Variants in PREX1 observed in about 807,000 individuals in gnomAD.
PREX1 encodes phosphatidylinositol-3,4,5-trisphosphate dependent Rac exchange factor 1.
A neutral mutation model predicts 198.3 loss-of-function variants in PREX1; 41 were observed. The ratio of observed to expected loss-of-function variants is 0.21; its 90% CI spans 0.16 to 0.27. The LOEUF is 0.27. Among genes scored for constraint, PREX1 ranks in the 10% least tolerant of loss-of-function variants. The pLI, the probability that PREX1 is intolerant of heterozygous loss-of-function variation, is 1.00. For missense variants in PREX1, 1,620 were observed against 2,200.7 expected (o/e 0.74, Z 5.28); for synonymous variants, 843 against 887.2 (o/e 0.95, Z 0.89).
chr20:48,873,254 A>G, the PREX1 span, among the ~76,000 whole-genome samples: 1 of 152,190 alleles, frequency 6.6e-6, no homozygotes, highest in African/African-American at 2.4e-5. Context: ...GTTCATGTCC[A>G]CTGCCATCTC....
rs768800753 is a variant in PREX1, at chr20:48,634,669, C to T, written c.4267+7G>A. On this transcript the variant is annotated splice_region_variant and intron_variant, in intron 33 of 39. Coordinates refer to ENST00000371941, the MANE Select transcript of PREX1 (RefSeq NM_020820.4). ...TCTCACAGTGGGGGATGGGAGAAAT[C>T]ACTCACTGGCCACATAGTTCTCGTC... is the stretch of plus-strand genomic sequence containing the variant. The T allele has an allele frequency of 6.8e-6, 11 of 1,613,564 alleles. No individual in the cohort carries two copies. The highest frequency in any genetic ancestry group is 8.5e-6 in the Non-Finnish European group (10 of 1,179,522).
chr20:48,825,534 T>C lies in PREX1; in HGVS notation c.219+2108A>G, dbSNP rs561898192. Among the ~76,000 whole-genome samples the C allele has an allele frequency of 1.6e-4, 24 of 152,088 alleles. No individual in the cohort carries two copies. The East Asian group carries it at 4.3e-3, about 27-fold the overall frequency. ...TTCTTGAATAATAAGAATGGTTGGC[T>C]CCAATCAATTTCCATTATTCCAGCT... On this transcript the variant is annotated intron_variant, in intron 1 of 39. Coordinates refer to ENST00000371941, the MANE Select transcript of PREX1 (RefSeq NM_020820.4).
chr20:48,739,499 C>T (rs1406383961), intron 3 of PREX1, among the ~76,000 whole-genome samples: 2 of 152,182 alleles, frequency 1.3e-5, no homozygotes, highest in Non-Finnish European at 2.9e-5. Context: ...CCCTGACCTC[C>T]CGATTGAAAG....
At chr20:48,660,769 CAACTAGAA>C (rs1199855961) in intron 15 of PREX1, among the ~76,000 whole-genome samples, 2 of 152,138 alleles carry the variant, frequency 1.3e-5, no homozygotes, top group African/African-American at 4.8e-5. Flanking sequence ...TCTAACAAAT[CAACTAGAA>C]AAAGCTCAGA....
rs1444960099 is a variant in PREX1 at position 48,666,880 on chromosome 20, T to C, written c.1666-525A>G. On this transcript the variant is annotated intron_variant, in intron 14 of 39. Coordinates refer to ENST00000371941, the MANE Select transcript of PREX1 (RefSeq NM_020820.4). The surrounding 1 kb of genome is among the most constrained non-coding windows in gnomAD (Gnocchi z 4.3). ...ACAAGACTATTTTATTGTACTGTGA[T>C]CAATACCGCAAAGAAAAAATGGAGA... Among the ~76,000 whole-genome samples the C allele has an allele frequency of 6.6e-6, 1 of 152,214 alleles. No homozygotes were observed. Among genetic ancestry groups the C allele is most frequent in the Non-Finnish European group, 1.5e-5 (1 of 68,044 alleles).
intron 14 of PREX1, among the ~76,000 whole-genome samples, chr20:48,672,082 C>G (rs977166177): frequency 5.3e-5 from 8 of 152,214 alleles, no homozygotes. Flanking sequence ...CGAGAAAGCC[C>G]CCCGCATGCC....
chr20:48,682,908 G>T (rs1030290319), intron 10 of PREX1, among the ~76,000 whole-genome samples: 7 of 152,268 alleles, frequency 4.6e-5, no homozygotes, highest in Non-Finnish European at 2.9e-5. Flanking sequence ...AGGGCCAGAG[G>T]GGGGCAGGGC....
chr20:48,725,503 C>T (rs993522724), intron 5 of PREX1, among the ~76,000 whole-genome samples: 5 of 152,238 alleles, frequency 3.3e-5, no homozygotes, highest in Admixed American at 6.5e-5. Flanking sequence ...GGGCTGGCGG[C>T]AGGGAAGGAA....
intron 9 of PREX1, among the ~76,000 whole-genome samples, chr20:48,690,136 G>C (rs1358971174): frequency 6.6e-6 from 1 of 152,202 alleles, no homozygotes; most frequent in Non-Finnish European, 1.5e-5. Flanking sequence ...CTATGATTTA[G>C]ACACAGCAAG....
chr20:48,653,590 GAC>G, intron 19 of PREX1, 93 bp from the exon 20 acceptor site: 1 of 1,497,918 alleles, frequency 6.7e-7, no homozygotes, highest in African/African-American at 1.4e-5. Context: ...TGCAACCCCA[GAC>G]ACGCGCAAGG....
chr20:48,686,764 A>G (rs2089787432), intron 10 of PREX1, among the ~76,000 whole-genome samples: 1 of 152,220 alleles, frequency 6.6e-6, no homozygotes, highest in Admixed American at 6.5e-5. Flanking sequence ...AAGGCCCTTG[A>G]GGGCAACAGG....
intron 1 of PREX1, among the ~76,000 whole-genome samples, chr20:48,811,469 G>A (rs2090434818): frequency 6.6e-6 from 1 of 151,866 alleles, no homozygotes; most frequent in African/African-American, 2.4e-5. Context: ...TCAGTAGCTT[G>A]TACAAGGCCT....
the PREX1 span, among the ~76,000 whole-genome samples, chr20:48,887,716 G>A: frequency 1.3e-5 from 2 of 152,164 alleles, no homozygotes; most frequent in African/African-American, 2.4e-5. Flanking sequence ...GGAGGCCGAG[G>A]TGGGCGGATC....
intron 1 of PREX1, among the ~76,000 whole-genome samples, chr20:48,807,202 TC>T (rs945085561): frequency 6.6e-6 from 1 of 152,066 alleles, no homozygotes; most frequent in Non-Finnish European, 1.5e-5. Flanking sequence ...TTTTCTACAC[TC>T]CCCCCCATTC....
chr20:48,843,401 A>C, the PREX1 span, among the ~76,000 whole-genome samples: 2 of 152,226 alleles, frequency 1.3e-5, no homozygotes, highest in Non-Finnish European at 2.9e-5. Flanking sequence ...CTAGAAAGGA[A>C]GGGAGGAATG....
At chr20:48,765,731 T>C (rs2090205162) in intron 1 of PREX1, among the ~76,000 whole-genome samples, 1 of 152,160 alleles carries the variant, frequency 6.6e-6, no homozygotes, top group Non-Finnish European at 1.5e-5. Flanking sequence ...TGGGAGAATT[T>C]AATTAGGGGA....
intron 1 of PREX1, among the ~76,000 whole-genome samples, chr20:48,758,965 T>G (rs1268465735): frequency 1.3e-5 from 2 of 152,122 alleles, no homozygotes; most frequent in Non-Finnish European, 2.9e-5. Flanking sequence ...AGGCCAAAGA[T>G]ATGGCCAGCA....
chr20:48,845,046 C>T, the PREX1 span, among the ~76,000 whole-genome samples: 2 of 152,208 alleles, frequency 1.3e-5, no homozygotes, highest in African/African-American at 2.4e-5. Flanking sequence ...TAAATGGCAT[C>T]GCCATCTATG....
At chr20:48,826,342 C>A (rs565205661) in intron 1 of PREX1, among the ~76,000 whole-genome samples, 1 of 152,170 alleles carries the variant, frequency 6.6e-6, no homozygotes, top group Non-Finnish European at 1.5e-5. Context: ...CGTCCCACCC[C>A]CTCCACCCGC....
Sources: allele counts gnomAD v4.1 joint callset (sites outside exome capture counted in the v4.1 genomes callset), GRCh38; gene constraint gnomAD v4.1.1; non-coding constraint Gnocchi (gnomAD v3.1); transcripts MANE v1.5; gene names NCBI Gene and HGNC (gene_info 2026-07-23, HGNC 2026-07-21).